FSTL4: variants seen among roughly 807,000 people sequenced by gnomAD.
FSTL4 encodes follistatin like 4.
FSTL4 carries 28 observed loss-of-function variants against 78.2 expected under a neutral mutation model. The observed-to-expected ratio is 0.36, with a 90% confidence interval of 0.27 to 0.49. FSTL4 has a LOEUF of 0.49. FSTL4 is among the 20% of genes least tolerant of loss of function. The pLI, the probability that FSTL4 is intolerant of heterozygous loss-of-function variation, is 0.98. For missense variants in FSTL4, 922 were observed against 1,084.9 expected, an observed-to-expected ratio of 0.85 and a Z score of 2.11; for synonymous variants, 422 against 440.5, an observed-to-expected ratio of 0.96 and a Z score of 0.53.
intron 3 of FSTL4, among the ~76,000 whole-genome samples, chr5:133,415,214 C>T (rs1380518217): frequency 6.6e-6 from 1 of 151,736 alleles, no homozygotes; most frequent in Non-Finnish European, 1.5e-5. Context: ...CCTATAATGT[C>T]ATCTGATCTC....
At chr5:133,510,928 G>C (rs909112450) in intron 3 of FSTL4, among the ~76,000 whole-genome samples, 2 of 152,146 alleles carry the variant, frequency 1.3e-5, no homozygotes, top group African/African-American at 2.4e-5. Flanking sequence ...GCTCAAAAAG[G>C]GTTTCTGTAT....
intron 3 of FSTL4, among the ~76,000 whole-genome samples, chr5:133,552,465 C>T (rs1432287210): frequency 3.3e-5 from 5 of 152,162 alleles, no homozygotes; most frequent in African/African-American, 7.2e-5. Flanking sequence ...GTCATGTGGG[C>T]CCAGGGTTAT....
At chr5:133,799,201 C>A in the FSTL4 span, among the ~76,000 whole-genome samples, 1 of 137,512 alleles carries the variant, frequency 7.3e-6, no homozygotes, top group Non-Finnish European at 1.6e-5. Flanking sequence ...CACAGGTCTT[C>A]TAACACTGGG....
At chr5:133,683,003 G>A in the FSTL4 span, among the ~76,000 whole-genome samples, 2 of 152,212 alleles carry the variant, frequency 1.3e-5, no homozygotes, top group African/African-American at 2.4e-5. Flanking sequence ...GATATCTTTG[G>A]AAGAAATATT....
intron 7 of FSTL4, among the ~76,000 whole-genome samples, chr5:133,237,827 CT>C (rs1751708890): frequency 6.6e-6 from 1 of 150,554 alleles, no homozygotes; most frequent in Non-Finnish European, 1.5e-5. Flanking sequence ...TTGATTGCAT[CT>C]CTGTACTTGT....
chr5:133,788,820 C>T, the FSTL4 span, among the ~76,000 whole-genome samples: 1 of 152,188 alleles, frequency 6.6e-6, no homozygotes, highest in Non-Finnish European at 1.5e-5. Context: ...GCGGTTTCCT[C>T]ACACAGAAGC....
the FSTL4 span, among the ~76,000 whole-genome samples, chr5:133,780,764 C>CA: frequency 0.93 from 142,280 of 152,280 alleles, 66,581 homozygotes; most frequent in East Asian, 1. Flanking sequence ...CCTCATTTTC[C>CA]TGTTGGGAAA....
At chr5:133,492,452 C>G (rs1256640626) in intron 3 of FSTL4, among the ~76,000 whole-genome samples, 2 of 152,128 alleles carry the variant, frequency 1.3e-5, no homozygotes, top group African/African-American at 4.8e-5. Flanking sequence ...AAATCTTTAT[C>G]AGAGAGTATC....
chr5:133,424,041 C>G (rs942178749), intron 3 of FSTL4, among the ~76,000 whole-genome samples: 1 of 152,144 alleles, frequency 6.6e-6, no homozygotes, highest in Admixed American at 6.5e-5. Flanking sequence ...CCAGCAGGGC[C>G]GAGCCGGGCT....
chr5:133,594,461 G>A (rs1760700710), intron 2 of FSTL4, among the ~76,000 whole-genome samples: 2 of 152,200 alleles, frequency 1.3e-5, no homozygotes, highest in African/African-American at 4.8e-5. Flanking sequence ...CCAAAGTGTT[G>A]GGATTACAGG....
At chr5:133,626,576 A>G in the FSTL4 span, among the ~76,000 whole-genome samples, 3 of 151,286 alleles carry the variant, frequency 2.0e-5, no homozygotes, top group South Asian at 6.3e-4. Flanking sequence ...AATTTTTGAT[A>G]TGATGTGTTC....
At chr5:133,719,834 A>G in the FSTL4 span, among the ~76,000 whole-genome samples, 13 of 152,324 alleles carry the variant, frequency 8.5e-5, no homozygotes, top group Admixed American at 5.2e-4. Flanking sequence ...CCTATATTAC[A>G]TTTAAATTGA....
chr5:133,816,133 G>C, the FSTL4 span, among the ~76,000 whole-genome samples: 1 of 152,168 alleles, frequency 6.6e-6, no homozygotes, highest in Non-Finnish European at 1.5e-5. Context: ...CCAAAGACTA[G>C]GGGGCCATAC....
the FSTL4 span, among the ~76,000 whole-genome samples, chr5:133,686,844 G>A: frequency 3.9e-5 from 6 of 152,216 alleles, no homozygotes; most frequent in East Asian, 1.9e-4. Flanking sequence ...GGAAGACTCC[G>A]GAGAACTGAC....
intron 4 of FSTL4, among the ~76,000 whole-genome samples, chr5:133,392,133 G>A (rs1755864472): frequency 2.6e-5 from 4 of 152,168 alleles, no homozygotes; most frequent in Admixed American, 2.0e-4. Flanking sequence ...CATCTGACCC[G>A]GGGCTCAGAG....
At chr5:133,694,132 C>T in the FSTL4 span, among the ~76,000 whole-genome samples, 1 of 152,336 alleles carries the variant, frequency 6.6e-6, no homozygotes, top group Non-Finnish European at 1.5e-5. Flanking sequence ...GAAATATTCC[C>T]TCCCATCCCC....
chr5:133,542,583 T>C (rs1301810757), intron 3 of FSTL4, among the ~76,000 whole-genome samples: 1 of 152,230 alleles, frequency 6.6e-6, no homozygotes, highest in East Asian at 1.9e-4. Context: ...ATCTGACATA[T>C]TCTTTGTGGG....
At chr5:133,500,287 T>C (rs540853625) in intron 3 of FSTL4, among the ~76,000 whole-genome samples, 46 of 152,298 alleles carry the variant, frequency 3.0e-4, no homozygotes, top group African/African-American at 1.0e-3. Context: ...AGCTGATTTG[T>C]CCCTGGTTTT....
intron 4 of FSTL4, among the ~76,000 whole-genome samples, chr5:133,389,387 C>A (rs1755784774): frequency 6.6e-6 from 1 of 152,172 alleles, no homozygotes; most frequent in Non-Finnish European, 1.5e-5. Context: ...TTCCCTGTAA[C>A]CAGCATTCAT....
Sources: gnomAD v4.1 joint callset for allele counts (sites outside exome capture counted in the v4.1 genomes callset) on GRCh38, gnomAD v4.1.1 for gene constraint, MANE v1.5 for transcripts, NCBI Gene and HGNC (gene_info 2026-07-23, HGNC 2026-07-21) for gene names.